The following SLC35F1 variants were observed in gnomAD, a reference collection of about 807,000 sequenced individuals.
SLC35F1 encodes the protein chromosome 6 open reading frame 169.
SLC35F1 carries 14 observed loss-of-function variants against 48.7 expected under a neutral mutation model. The observed-to-expected ratio is 0.29, with a 90% confidence interval of 0.19 to 0.45. The LOEUF is 0.45. Ranked by LOEUF, SLC35F1 falls within the 20% of genes least tolerant of loss-of-function variation. The pLI is 1.00. For synonymous variants in SLC35F1, 190 were observed against 202.2 expected, an observed-to-expected ratio of 0.94 and a Z score of 0.51; for missense variants, 404 against 500.0, an observed-to-expected ratio of 0.81 and a Z score of 1.83.
At chr6:118,011,233 A>G (rs1306199797) in intron 1 of SLC35F1, among the ~76,000 whole-genome samples, 2 of 152,160 alleles carry the variant, frequency 1.3e-5, no homozygotes. Context: ...ATAAAGAACT[A>G]CCTGAGACTG....
At chr6:118,191,633 G>C (rs1440530305) in intron 2 of SLC35F1, among the ~76,000 whole-genome samples, 1 of 152,156 alleles carries the variant, frequency 6.6e-6, no homozygotes, top group Non-Finnish European at 1.5e-5. Context: ...TATGTTCTCA[G>C]AAGATAGAGT....
At chr6:117,950,536 G>A (rs1014075884) in intron 1 of SLC35F1, among the ~76,000 whole-genome samples, 3 of 152,126 alleles carry the variant, frequency 2.0e-5, no homozygotes, top group Admixed American at 6.5e-5. Context: ...AAGATCCTTG[G>A]CATATATAAA....
intron 1 of SLC35F1, among the ~76,000 whole-genome samples, chr6:118,001,134 A>G (rs1398949132): frequency 6.6e-6 from 1 of 152,198 alleles, no homozygotes; most frequent in East Asian, 1.9e-4. Context: ...AAGAGCCTGC[A>G]TCGCCAAGTC....
At chr6:118,161,050 C>T (rs1774223218) in intron 2 of SLC35F1, among the ~76,000 whole-genome samples, 1 of 151,872 alleles carries the variant, frequency 6.6e-6, no homozygotes, top group Non-Finnish European at 1.5e-5. Context: ...GCTAAATTCT[C>T]CATGACCAAT....
intron 1 of SLC35F1, chr6:117,999,272 G>T (rs1235978099): frequency 6.3e-7 from 1 of 1,595,996 alleles, no homozygotes; most frequent in Non-Finnish European, 8.5e-7. Flanking sequence ...TGCCTACGTT[G>T]CCCACCCCAA....
chr6:118,251,326 A>ATT (rs1232506227), intron 3 of SLC35F1, among the ~76,000 whole-genome samples: 12 of 147,578 alleles, frequency 8.1e-5, no homozygotes, highest in African/African-American at 2.7e-4. Context: ...TGTTTTTTAA[A>ATT]TTTTTTTTTT....
In SLC35F1 at chr6:118,277,563, C is replaced by A; in HGVS notation, c.847+17C>A. On this transcript the variant is annotated intron_variant, in intron 6 of 7. Coordinates refer to ENST00000360388, the MANE Select transcript of SLC35F1 (RefSeq NM_001029858.4). ...GGCAAATAGGTAAGGAGTTGGCTCACATACGATGCTCTTTTTATAACCTGA... is the reference window on the plus strand; with the variant it reads ...GGCAAATAGGTAAGGAGTTGGCTCAAATACGATGCTCTTTTTATAACCTGA... The A allele has an allele frequency of 6.2e-7, 1 of 1,611,230 alleles. No individual in the cohort carries two copies. Among genetic ancestry groups the A allele is most frequent in the Non-Finnish European group, 8.5e-7 (1 of 1,177,436 alleles).
chr6:118,182,025 A>C (rs1774584644), intron 2 of SLC35F1, among the ~76,000 whole-genome samples: 1 of 152,200 alleles, frequency 6.6e-6, no homozygotes, highest in African/African-American at 2.4e-5. Context: ...TTATTTTTAA[A>C]AGAAACAACT....
At chr6:118,155,490 G>A (rs1196328622) in intron 2 of SLC35F1, among the ~76,000 whole-genome samples, 2 of 152,150 alleles carry the variant, frequency 1.3e-5, no homozygotes, top group Admixed American at 6.5e-5. Context: ...TCTCATGTGT[G>A]CTCTTGTGCC....
chr6:118,070,483 A>G (rs1428510795), intron 1 of SLC35F1, among the ~76,000 whole-genome samples: 1 of 152,188 alleles, frequency 6.6e-6, no homozygotes, highest in Non-Finnish European at 1.5e-5. Flanking sequence ...TAAATCTGAT[A>G]AAAAGTATGC....
chr6:118,121,971 C>A (rs928597), intron 1 of SLC35F1, among the ~76,000 whole-genome samples: 4,703 of 152,092 alleles, frequency 0.031, 178 homozygotes, highest in African/African-American at 0.08. Context: ...GCCATGAAAT[C>A]CTATGAGGGA....
intron 1 of SLC35F1, among the ~76,000 whole-genome samples, chr6:118,041,336 T>C (rs1772216749): frequency 1.3e-5 from 2 of 152,198 alleles, no homozygotes; most frequent in Non-Finnish European, 2.9e-5. Context: ...GTAATGTTAC[T>C]TCCATGTAAA....
intron 7 of SLC35F1, among the ~76,000 whole-genome samples, chr6:118,308,031 T>C (rs1275525938): frequency 1.3e-5 from 2 of 152,184 alleles, no homozygotes; most frequent in African/African-American, 4.8e-5. Flanking sequence ...TGCCGAAAGG[T>C]CCACCCTTTA....
intron 2 of SLC35F1, among the ~76,000 whole-genome samples, chr6:118,221,025 C>T (rs1775140092): frequency 6.6e-6 from 1 of 152,148 alleles, no homozygotes; most frequent in Admixed American, 6.5e-5. Context: ...GCATCTTTTC[C>T]TCTCCTGGTT....
At chr6:118,111,421 A>G (rs563669192) in intron 1 of SLC35F1, among the ~76,000 whole-genome samples, 1 of 152,294 alleles carries the variant, frequency 6.6e-6, no homozygotes, top group African/African-American at 2.4e-5. Context: ...AAAACTATAC[A>G]AGAAGAAAAT....
At chr6:118,292,131 T>TAAAA (rs752471008) in intron 7 of SLC35F1, among the ~76,000 whole-genome samples, 4 of 151,594 alleles carry the variant, frequency 2.6e-5, no homozygotes, top group Non-Finnish European at 5.9e-5. Flanking sequence ...AACTAAATAA[T>TAAAA]AAATAAATAA....
At chr6:118,277,084 G>A (rs952749591) in intron 5 of SLC35F1, among the ~76,000 whole-genome samples, 2 of 152,144 alleles carry the variant, frequency 1.3e-5, no homozygotes, top group Non-Finnish European at 1.5e-5. Context: ...CTCTCCAGTT[G>A]GCTGTCATGT....
At chr6:118,009,135 C>A (rs1470144746) in intron 1 of SLC35F1, among the ~76,000 whole-genome samples, 1 of 152,116 alleles carries the variant, frequency 6.6e-6, no homozygotes, top group African/African-American at 2.4e-5. Flanking sequence ...TTCATTTATT[C>A]TACAAATATT....
intron 1 of SLC35F1, among the ~76,000 whole-genome samples, chr6:117,920,811 C>T (rs1261074379): frequency 6.6e-6 from 1 of 152,084 alleles, no homozygotes; most frequent in Non-Finnish European, 1.5e-5. Flanking sequence ...TCATAACTGT[C>T]TCTGGAAATA....
Sources: allele counts gnomAD v4.1 joint callset (sites outside exome capture counted in the v4.1 genomes callset), GRCh38; gene constraint gnomAD v4.1.1; transcripts MANE v1.5; gene names NCBI Gene and HGNC (gene_info 2026-07-23, HGNC 2026-07-21).